Variants in ADAMTSL1 observed in about 807,000 individuals in gnomAD.
ADAMTSL1 encodes the protein ADAMTS-like protein 1.
Under a neutral mutation model 201.8 loss-of-function variants are expected in ADAMTSL1, and 126 were observed. The observed-to-expected ratio is 0.62, with a 90% CI of 0.54 to 0.72. ADAMTSL1 has a LOEUF of 0.72. ADAMTSL1 is among the 30% of genes least tolerant of loss of function. ADAMTSL1 has a pLI of 0.00. For synonymous variants in ADAMTSL1, 1,121 were observed against 903.4 expected, an observed-to-expected ratio of 1.24 and a Z score of -4.32; for missense variants, 2,679 against 2,277.8, an observed-to-expected ratio of 1.18 and a Z score of -3.59.
At chr9:18,870,628 T>C (rs1412950495) in intron 23 of ADAMTSL1, among the ~76,000 whole-genome samples, 2 of 152,074 alleles carry the variant, frequency 1.3e-5, no homozygotes, top group Admixed American at 6.5e-5. Flanking sequence ...CACAAGCCAA[T>C]AAAGTTATAA....
intron 1 of ADAMTSL1, among the ~76,000 whole-genome samples, chr9:18,002,956 C>CCT (rs2131535765): frequency 6.6e-6 from 1 of 152,130 alleles, no homozygotes; most frequent in Admixed American, 6.5e-5. Context: ...CAACCTTTGA[C>CCT]CTTTAGCATC....
chr9:18,495,606 C>T (rs947800760), intron 1 of ADAMTSL1, among the ~76,000 whole-genome samples: 4 of 152,302 alleles, frequency 2.6e-5, no homozygotes, highest in Middle Eastern at 6.8e-3. Context: ...CAGGCTACTG[C>T]CTGTAGTTAC....
chr9:18,614,881 G>T (rs1448682930), intron 4 of ADAMTSL1, among the ~76,000 whole-genome samples: 1 of 152,030 alleles, frequency 6.6e-6, no homozygotes, highest in Non-Finnish European at 1.5e-5. Flanking sequence ...ACACAAAGGA[G>T]CCCTTTATTT....
At chr9:18,100,375 G>T (rs180991367) in intron 1 of ADAMTSL1, among the ~76,000 whole-genome samples, 1 of 152,030 alleles carries the variant, frequency 6.6e-6, no homozygotes. Context: ...GGAACTTCCG[G>T]GCTCAAGCAA....
chr9:17,988,463 C>T (rs942434187), intron 1 of ADAMTSL1, among the ~76,000 whole-genome samples: 23 of 151,920 alleles, frequency 1.5e-4, no homozygotes, highest in Admixed American at 3.3e-4. Flanking sequence ...GGGATTATTA[C>T]ACTGATGTGA....
intron 4 of ADAMTSL1, among the ~76,000 whole-genome samples, chr9:18,585,763 A>G (rs1386742369): frequency 6.6e-6 from 1 of 152,222 alleles, no homozygotes; most frequent in East Asian, 1.9e-4. Context: ...AGCATGAGCA[A>G]CTAGGCTTTA....
chr9:18,552,244 G>T (rs1564039749), intron 3 of ADAMTSL1, among the ~76,000 whole-genome samples: 1 of 151,666 alleles, frequency 6.6e-6, no homozygotes, highest in Non-Finnish European at 1.5e-5. Context: ...AATAAATACA[G>T]CTTTAGTTGC....
intron 23 of ADAMTSL1, among the ~76,000 whole-genome samples, chr9:18,855,410 G>T (rs919389035): frequency 6.6e-5 from 10 of 152,116 alleles, no homozygotes; most frequent in Admixed American, 4.6e-4. Context: ...AGTTTAAAAA[G>T]GATTTTGCTG....
At chr9:18,537,224 T>C (rs1227583554) in intron 3 of ADAMTSL1, among the ~76,000 whole-genome samples, 1 of 152,164 alleles carries the variant, frequency 6.6e-6, no homozygotes, top group Non-Finnish European at 1.5e-5. Context: ...AAACAAATTA[T>C]TTAAAAGGAA....
At chr9:18,393,348 G>T (rs1838129432) in intron 2 of ADAMTSL1, among the ~76,000 whole-genome samples, 1 of 152,112 alleles carries the variant, frequency 6.6e-6, no homozygotes, top group Non-Finnish European at 1.5e-5. Flanking sequence ...AGAGTTCATG[G>T]TTGCTTGGAC....
At chr9:18,157,686 G>C (rs974464013) in intron 1 of ADAMTSL1, among the ~76,000 whole-genome samples, 2 of 151,972 alleles carry the variant, frequency 1.3e-5, no homozygotes, top group Non-Finnish European at 2.9e-5. Context: ...AAAGTTGGTA[G>C]AAGAACAAAC....
chr9:18,452,562 T>A (rs1212714144), intron 2 of ADAMTSL1, among the ~76,000 whole-genome samples: 3 of 152,190 alleles, frequency 2.0e-5, no homozygotes, highest in Non-Finnish European at 4.4e-5. Context: ...GCATGATTCA[T>A]CCTAAGTCAA....
At chr9:17,942,273 T>C (rs1233008196) in intron 1 of ADAMTSL1, among the ~76,000 whole-genome samples, 3 of 152,150 alleles carry the variant, frequency 2.0e-5, no homozygotes, top group Non-Finnish European at 4.4e-5. Flanking sequence ...GCCATTGAAT[T>C]GTATAGTTAA....
At chr9:18,342,164 G>A (rs751564760) in intron 2 of ADAMTSL1, among the ~76,000 whole-genome samples, 2 of 151,992 alleles carry the variant, frequency 1.3e-5, no homozygotes, top group Non-Finnish European at 2.9e-5. Context: ...GTGTCTATAC[G>A]TGGGGCTAGT....
intron 1 of ADAMTSL1, among the ~76,000 whole-genome samples, chr9:18,139,008 C>T (rs1210541547): frequency 1.3e-5 from 2 of 152,072 alleles, no homozygotes; most frequent in African/African-American, 2.4e-5. Context: ...ACTAAGGAAC[C>T]TTGCAGGAGA....
chr9:18,309,026 T>C (rs2132775680), intron 2 of ADAMTSL1, among the ~76,000 whole-genome samples: 1 of 152,266 alleles, frequency 6.6e-6, no homozygotes, highest in East Asian at 1.9e-4. Flanking sequence ...CAAGGCTTGT[T>C]CCACATATGC....
intron 2 of ADAMTSL1, among the ~76,000 whole-genome samples, chr9:18,313,142 G>A (rs1157151585): frequency 6.6e-6 from 1 of 152,216 alleles, no homozygotes; most frequent in Non-Finnish European, 1.5e-5. Flanking sequence ...CAGAACTCCT[G>A]ATTCAGTAGG....
intron 1 of ADAMTSL1, among the ~76,000 whole-genome samples, chr9:18,489,160 T>A (rs1429766664): frequency 6.6e-6 from 1 of 152,164 alleles, no homozygotes; most frequent in Non-Finnish European, 1.5e-5. Flanking sequence ...GAGTTGACAA[T>A]CACTGATCTA....
intron 26 of ADAMTSL1, among the ~76,000 whole-genome samples, chr9:18,900,748 G>A (rs1339753819): frequency 2.1e-5 from 2 of 96,952 alleles, no homozygotes; most frequent in Admixed American, 1.6e-4. Context: ...ACACTGGGGG[G>A]AAACAACACA....
Sources: gnomAD v4.1 joint callset for allele counts (sites outside exome capture counted in the v4.1 genomes callset) on GRCh38, gnomAD v4.1.1 for gene constraint, MANE v1.5 for transcripts, NCBI Gene and HGNC (gene_info 2026-07-23, HGNC 2026-07-21) for gene names.